Variants in MYCT1 observed in about 807,000 individuals in gnomAD.
The protein encoded by MYCT1 is MYC target 1.
A neutral mutation model predicts 15.0 loss-of-function variants in MYCT1; 12 were observed. The observed-to-expected ratio is 0.80, with a 90% CI of 0.51 to 1.29. The LOEUF (loss-of-function observed/expected upper bound fraction) is 1.29, where lower values mean the gene tolerates loss of function less well. Among genes scored for constraint, MYCT1 ranks in the 50% most tolerant of loss-of-function variants. The pLI is 0.00. For missense variants in MYCT1, 287 were observed against 279.1 expected (o/e 1.03, Z -0.20); for synonymous variants, 104 against 102.7 (o/e 1.01, Z -0.07).
chr6:152,719,001 C>T (rs1446217271), intron 1 of MYCT1, among the ~76,000 whole-genome samples: 3 of 151,892 alleles, frequency 2.0e-5, no homozygotes, highest in Admixed American at 6.6e-5. Flanking sequence ...CCCTAACCAC[C>T]GATACTTGCC....
intron 1 of MYCT1, among the ~76,000 whole-genome samples, chr6:152,714,683 T>G (rs992694354): frequency 6.6e-6 from 1 of 151,758 alleles, no homozygotes; most frequent in African/African-American, 2.4e-5. Context: ...GTCTGATAAT[T>G]CAAATATTTT....
the MYCT1 span, among the ~76,000 whole-genome samples, chr6:152,740,329 C>A: frequency 2.0e-5 from 3 of 152,054 alleles, no homozygotes; most frequent in Non-Finnish European, 4.4e-5. Flanking sequence ...GGACTATAGG[C>A]GTGAGCCACC....
the MYCT1 span, among the ~76,000 whole-genome samples, chr6:152,734,494 C>T: frequency 6.6e-6 from 1 of 152,134 alleles, no homozygotes; most frequent in Non-Finnish European, 1.5e-5. Flanking sequence ...TGGAAGGGAA[C>T]ATAGTCATGA....
the MYCT1 span, among the ~76,000 whole-genome samples, chr6:152,736,374 GA>G: frequency 1.3e-5 from 2 of 151,850 alleles, no homozygotes; most frequent in East Asian, 1.9e-4. Flanking sequence ...CATCATGACA[GA>G]AAAAAAATCA....
chr6:152,715,115 C>T (rs2099723420), intron 1 of MYCT1, among the ~76,000 whole-genome samples: 1 of 152,040 alleles, frequency 6.6e-6, no homozygotes, highest in African/African-American at 2.4e-5. Flanking sequence ...ATTTTTGTTT[C>T]TTTTTACAGA....
intron 1 of MYCT1, among the ~76,000 whole-genome samples, chr6:152,713,192 C>T (rs2099723056): frequency 6.6e-6 from 1 of 151,970 alleles, no homozygotes; most frequent in Non-Finnish European, 1.5e-5. Context: ...CTGTTAAGCT[C>T]ATGGTATAAA....
rs2129070828 is a variant in MYCT1, at chr6:152,722,212, C to A, written c.667C>A (p.Pro223Thr). 1 of 1,614,102 alleles carries A rather than the reference C, an allele frequency of 6.2e-7. No homozygotes were observed. The highest frequency in any genetic ancestry group is 8.5e-7 in the Non-Finnish European group (1 of 1,179,996). ...AGTGGGCCTTTCAACACCGCCCCCACCTGCCTATGAGTCCATCATCAAGGC... is the reference window on the plus strand; with the variant it reads ...AGTGGGCCTTTCAACACCGCCCCCAACTGCCTATGAGTCCATCATCAAGGC... ...LRVGLSTPPP[P>T]AYESIIKAFP... Residue 223 changes from proline to threonine, a missense_variant, in exon 2 of 2, where the codon CCT becomes ACT. Pro to Thr is a conservative substitution (Grantham distance 38, BLOSUM62 -1). Transcript: ENST00000367245.
At chr6:152,698,205 T>C (rs2129067395) in intron 1 of MYCT1, 107 bp downstream of exon 1, 1 of 545,206 alleles carries the variant, frequency 1.8e-6, no homozygotes, top group Non-Finnish European at 3.0e-6. Flanking sequence ...TTTACTATAA[T>C]GTGATTACTT....
At chr6:152,733,591 T>C in the MYCT1 span, among the ~76,000 whole-genome samples, 1 of 151,738 alleles carries the variant, frequency 6.6e-6, no homozygotes, top group African/African-American at 2.4e-5. Flanking sequence ...GTGAATGGGG[T>C]TTTCAAGAAG....
chr6:152,700,545 G>T (rs1405590745), intron 1 of MYCT1, among the ~76,000 whole-genome samples: 3 of 152,168 alleles, frequency 2.0e-5, no homozygotes, highest in Non-Finnish European at 4.4e-5. Context: ...CTAAAGGTGT[G>T]CAAGCATTTA....
chr6:152,739,928 T>C, the MYCT1 span, among the ~76,000 whole-genome samples: 10,990 of 152,176 alleles, frequency 0.072, 635 homozygotes, highest in East Asian at 0.17. Context: ...GGTGTTTATA[T>C]TCACTTCCAA....
At chr6:152,720,331 T>C (rs1217683294) in intron 1 of MYCT1, among the ~76,000 whole-genome samples, 1 of 152,012 alleles carries the variant, frequency 6.6e-6, no homozygotes, top group Non-Finnish European at 1.5e-5. Context: ...CATCCTACCG[T>C]CAAAGCAAGT....
downstream of MYCT1, among the ~76,000 whole-genome samples, chr6:152,725,849 A>G (rs565004440): frequency 6.6e-6 from 1 of 152,276 alleles, no homozygotes; most frequent in East Asian, 1.9e-4. Context: ...GTGGGACTGG[A>G]TCAGAGCATT....
rs899289938 is a variant in MYCT1, at chr6:152,724,069, A to G, written c.*1816A>G. On this transcript the variant is annotated 3_prime_UTR_variant, in exon 2 of 2. Coordinates refer to ENST00000367245, the MANE Select transcript of MYCT1 (RefSeq NM_025107.3). ...CTTATAGAAAATGTTCTCTAATTAA[A>G]CATGCCAAAAGGAAAAAGTAAGAGA... 2 of 152,082 alleles carry G rather than the reference A, an allele frequency of 1.3e-5. No homozygotes were observed. The highest frequency in any genetic ancestry group is 2.9e-5 in the Non-Finnish European group (2 of 68,030). The allele number at this position is 152,082 out of a possible 1,614,324, so 9.4% of individuals were successfully genotyped here.
chr6:152,729,938 A>G, the MYCT1 span, among the ~76,000 whole-genome samples: 1 of 152,214 alleles, frequency 6.6e-6, no homozygotes, highest in Non-Finnish European at 1.5e-5. Context: ...CAAACTATAA[A>G]AAGTAAAATT....
chr6:152,728,059 G>A (rs2099725961), downstream of MYCT1, among the ~76,000 whole-genome samples: 1 of 151,998 alleles, frequency 6.6e-6, no homozygotes. Flanking sequence ...AGCTACTTGG[G>A]AGGCTGAGGC....
chr6:152,703,371 T>C (rs2099721665), intron 1 of MYCT1, among the ~76,000 whole-genome samples: 1 of 152,168 alleles, frequency 6.6e-6, no homozygotes, highest in Non-Finnish European at 1.5e-5. Flanking sequence ...TTCTCATTAG[T>C]TTTTCAACAT....
At chr6:152,734,621 C>T in the MYCT1 span, among the ~76,000 whole-genome samples, 2 of 152,008 alleles carry the variant, frequency 1.3e-5, no homozygotes, top group Non-Finnish European at 2.9e-5. Flanking sequence ...CATGGAAATT[C>T]TCATTGGAAA....
At chr6:152,724,937 C>T (rs2099725377), downstream of MYCT1, among the ~76,000 whole-genome samples, 1 of 151,628 alleles carries the variant, frequency 6.6e-6, no homozygotes, top group Non-Finnish European at 1.5e-5. Context: ...TAGCTAAATA[C>T]ATAATTACAG....
Sources: allele counts gnomAD v4.1 joint callset (sites outside exome capture counted in the v4.1 genomes callset), GRCh38; gene constraint gnomAD v4.1.1; transcripts MANE v1.5; gene names NCBI Gene and HGNC (gene_info 2026-07-23, HGNC 2026-07-21).